SMPD3: variants seen among roughly 807,000 people sequenced by gnomAD.
The protein encoded by SMPD3 is nSMase-2.
In SMPD3, 21 loss-of-function variants were observed where a neutral mutation model predicts 55.7. The ratio of observed to expected loss-of-function variants is 0.38; its 90% CI spans 0.27 to 0.54. The LOEUF is 0.54. Among genes scored for constraint, SMPD3 ranks in the 20% least tolerant of loss-of-function variants. The pLI, the probability that SMPD3 is intolerant of heterozygous loss-of-function variation, is 0.80. For missense variants in SMPD3, 842 were observed against 899.6 expected, an observed-to-expected ratio of 0.94 and a Z score of 0.82; for synonymous variants, 457 against 404.3, an observed-to-expected ratio of 1.13 and a Z score of -1.56.
chr16:68,392,835 GAAA>G (rs60841057), intron 1 of SMPD3, among the ~76,000 whole-genome samples: 7 of 88,268 alleles, frequency 7.9e-5, no homozygotes, highest in African/African-American at 1.0e-4. Context: ...CGCTGTCTGG[GAAA>G]AAAAAAAAAA....
intron 1 of SMPD3, among the ~76,000 whole-genome samples, chr16:68,424,886 A>G (rs1399987004): frequency 6.6e-6 from 1 of 152,046 alleles, no homozygotes; most frequent in East Asian, 1.9e-4. Context: ...AATTTTTTGT[A>G]TTTTTGGTAG....
rs1400344881 is a variant in SMPD3 at position 68,447,730 on chromosome 16, G to A, written c.-269+623C>T. On this transcript the variant is annotated intron_variant, in intron 1 of 8. Coordinates refer to ENST00000219334, the MANE Select transcript of SMPD3 (RefSeq NM_018667.4). This position sits in a 1 kb window ranked among gnomAD's most constrained non-coding sequence, Gnocchi z 5.1. ...AACCTAGGAGGGTCCAAGTGGGAGG[G>A]GTAAGAGTCCTCTGTCTCTTCCACA... is the stretch of plus-strand genomic sequence containing the variant. 2.0e-5 allele frequency among the ~76,000 whole-genome samples: 3 copies of A among 151,868 alleles called. No individual in the cohort carries two copies. The highest frequency in any genetic ancestry group is 4.4e-5 in the Non-Finnish European group (3 of 67,908).
intron 1 of SMPD3, among the ~76,000 whole-genome samples, chr16:68,412,901 C>T (rs1207419227): frequency 1.3e-5 from 2 of 152,206 alleles, no homozygotes. Flanking sequence ...GATGGAAGAA[C>T]ATTTTTTGAG....
intron 1 of SMPD3, among the ~76,000 whole-genome samples, chr16:68,390,066 G>T (rs777108078): frequency 2.0e-5 from 3 of 152,222 alleles, no homozygotes; most frequent in South Asian, 2.1e-4. Context: ...TTCCAGGAAG[G>T]GGGTGGGCAA....
At position 68,392,988 on chromosome 16, in the gene SMPD3, C is replaced by T. The variant is rs117408601; in HGVS notation, c.-268-6329G>A. Among the ~76,000 whole-genome samples, 1,217 of 152,048 alleles carry T rather than the reference C, an allele frequency of 8.0e-3. 28 individuals are homozygous for T. The highest frequency in any genetic ancestry group is 0.077 in the East Asian group (401 of 5,180). ...AGAACATTGATCTCAGACTTCTAGC[C>T]TCTAACCTGTAAGAAACTAAATTTC... On this transcript the variant is annotated intron_variant, in intron 1 of 8. Transcript: ENST00000219334.
intron 3 of SMPD3, among the ~76,000 whole-genome samples, chr16:68,366,331 C>T (rs1351915466): frequency 6.6e-6 from 1 of 152,224 alleles, no homozygotes; most frequent in African/African-American, 2.4e-5. Flanking sequence ...AGCAGGTGCC[C>T]CTGGCTTTCT....
chr16:68,362,919 C>T (rs1158229835), intron 7 of SMPD3, among the ~76,000 whole-genome samples: 4 of 152,174 alleles, frequency 2.6e-5, no homozygotes, highest in African/African-American at 9.7e-5. Context: ...TGCAAGGAAC[C>T]ATCGCTGTGA....
At chr16:68,431,017 G>A (rs2090475771) in intron 1 of SMPD3, among the ~76,000 whole-genome samples, 2 of 152,110 alleles carry the variant, frequency 1.3e-5, no homozygotes, top group South Asian at 2.1e-4. Context: ...CAGGGAGTGG[G>A]GACAGAATTC....
intron 1 of SMPD3, among the ~76,000 whole-genome samples, chr16:68,427,304 A>C (rs2090443700): frequency 6.6e-6 from 1 of 152,198 alleles, no homozygotes; most frequent in Admixed American, 6.5e-5. Flanking sequence ...GCCCAGCCTT[A>C]AACTAAGGTC....
In SMPD3 at chr16:68,363,612, C is replaced by T; in HGVS notation, c.1646-53G>A. ...TCGCTGCAGGCAGGGCCCAGGCAGC[C>T]TCTAGGGGGTGGCCTCTGTGGGTGG... On this transcript the variant is annotated intron_variant, in intron 6 of 8. Coordinates refer to ENST00000219334, the MANE Select transcript of SMPD3 (RefSeq NM_018667.4). 5 of 1,561,080 alleles carry T rather than the reference C, an allele frequency of 3.2e-6. No homozygotes were observed. The South Asian group carries it at 4.5e-5, about 14-fold the overall frequency.
intron 2 of SMPD3, among the ~76,000 whole-genome samples, chr16:68,378,735 G>C (rs1276625132): frequency 1.3e-5 from 2 of 152,140 alleles, no homozygotes; most frequent in African/African-American, 2.4e-5. Context: ...CTCCTGACCT[G>C]GAAGGTCACA....
At position 68,365,230 on chromosome 16, in the gene SMPD3, G is replaced by A. The variant is rs999720360; in HGVS notation, c.1324-138C>T. 6.3e-6 allele frequency: 5 copies of A among 797,546 alleles called. No homozygotes were observed. In the Admixed American group the frequency reaches 1.1e-4, roughly 18 times the overall value. The allele number at this position is 797,546 out of a possible 1,614,324, so 49.4% of individuals were successfully genotyped here. On this transcript the variant is annotated intron_variant, in intron 3 of 8. Coordinates refer to ENST00000219334, the MANE Select transcript of SMPD3 (RefSeq NM_018667.4). ...CTGGCTGGATTCTGGGGTCCGAGTA[G>A]GGACAGGATGTGTCCTGCTTCTAGG... is the stretch of plus-strand genomic sequence containing the variant.
At chr16:68,448,152 C>T (rs1210105409) in intron 1 of SMPD3, among the ~76,000 whole-genome samples, 1 of 152,176 alleles carries the variant, frequency 6.6e-6, no homozygotes, top group Non-Finnish European at 1.5e-5. Flanking sequence ...TACCCAAGAG[C>T]CTTCTCCATG....
rs528704029 is a variant in SMPD3, at chr16:68,427,734, T to C, written c.-269+20619A>G. 4.1e-5 allele frequency among the ~76,000 whole-genome samples: 6 copies of C among 146,346 alleles called. No homozygotes were observed. In the Admixed American group the frequency reaches 4.4e-4, roughly 11 times the overall value. ...TAACATTTGGGTCACAGGAGTGGGA[T>C]GGGGAGTTAAAAATGACTGGGGGGG... On this transcript the variant is annotated intron_variant, in intron 1 of 8. Transcript: ENST00000219334.
At chr16:68,422,151 C>T (rs562911426) in intron 1 of SMPD3, among the ~76,000 whole-genome samples, 1 of 152,342 alleles carries the variant, frequency 6.6e-6, no homozygotes, top group East Asian at 1.9e-4. Flanking sequence ...CGAAGGAACA[C>T]CAGCCTGCTG....
chr16:68,371,572 T>C lies in SMPD3; in HGVS notation c.610A>G (p.Ile204Val). ...DGVARAVPGS[I>V]KRTASVEYKG... ...TACTCCACAGAGGCTGTCCTCTTAA[T>C]GCTCCCGGGGACGGCCCGGGCCACC... Residue 204 changes from isoleucine to valine, a missense_variant, in exon 3 of 9, where the codon ATT (isoleucine) becomes GTT (valine). Ile to Val is a conservative substitution (Grantham distance 29). This residue lies in a region of SMPD3 where 649 missense variants were observed against 643.6 expected (regional missense o/e 1.01). Coordinates refer to ENST00000219334, the MANE Select transcript of SMPD3 (RefSeq NM_018667.4). 1.9e-6 allele frequency: 3 copies of C among 1,588,336 alleles called. No homozygotes were observed. The highest frequency in any genetic ancestry group is 1.1e-5 in the South Asian group (1 of 88,222).
intron 2 of SMPD3, among the ~76,000 whole-genome samples, chr16:68,378,274 C>T (rs2089868616): frequency 6.6e-6 from 1 of 152,234 alleles, no homozygotes; most frequent in Non-Finnish European, 1.5e-5. Context: ...ATGCATGCTG[C>T]AGAGGAGTTG....
At chr16:68,388,861 G>A (rs2090085844) in intron 1 of SMPD3, among the ~76,000 whole-genome samples, 1 of 152,058 alleles carries the variant, frequency 6.6e-6, no homozygotes, top group African/African-American at 2.4e-5. Context: ...GAAATATGCT[G>A]TCCCCCTATC....
intron 1 of SMPD3, among the ~76,000 whole-genome samples, chr16:68,405,065 C>T (rs2090242227): frequency 6.6e-6 from 1 of 152,218 alleles, no homozygotes; most frequent in Non-Finnish European, 1.5e-5. Flanking sequence ...CATCTGCCCT[C>T]TAGGACCTAT....
Sources: allele counts gnomAD v4.1 joint callset (sites outside exome capture counted in the v4.1 genomes callset), GRCh38; gene constraint gnomAD v4.1.1; regional missense constraint gnomAD v4.1.1; non-coding constraint Gnocchi (gnomAD v3.1); transcripts MANE v1.5; gene names NCBI Gene and HGNC (gene_info 2026-07-23, HGNC 2026-07-21).